The following PKD2L1 variants were observed in gnomAD, a reference collection of about 807,000 sequenced individuals.
PKD2L1 encodes the protein polycystin 2 like 1, transient receptor potential cation channel, also known as polycystin-2-like protein 1.
PKD2L1 carries 77 observed loss-of-function variants against 93.0 expected under a neutral mutation model. That is an observed-to-expected ratio of 0.83 (90% CI 0.69 to 1.00). The LOEUF is 1.00. Ranked by LOEUF, PKD2L1 falls within the 50% of genes least tolerant of loss-of-function variation. PKD2L1 has a pLI of 0.00. For synonymous variants in PKD2L1, 390 were observed against 388.0 expected, an observed-to-expected ratio of 1.01 and a Z score of -0.06; for missense variants, 977 against 990.9, an observed-to-expected ratio of 0.99 and a Z score of 0.19.
chr10:100,314,983 GAAGGAAGGAAGGAAGGAAGGAAGGAAGGA>G (rs1849045339), intron 2 of PKD2L1, among the ~76,000 whole-genome samples: 2 of 15,486 alleles, frequency 1.3e-4, no homozygotes, highest in Non-Finnish European at 2.5e-4. Flanking sequence ...AGGAAGGAAG[GAAGGAAGGAAGGAAGGAAGGAAGGAAGGA>G]AGGGAAGGGA....
chr10:100,319,979 A>G lies in PKD2L1; in HGVS notation c.349+9232T>C, dbSNP rs571716423. 9.8e-5 allele frequency among the ~76,000 whole-genome samples: 15 copies of G among 152,342 alleles called. No homozygotes were observed. The East Asian group carries it at 2.9e-3, about 29-fold the overall frequency. On this transcript the variant is annotated intron_variant, in intron 2 of 15. Transcript: ENST00000318222. ...GACAAAGGGCTGGAAGCCCTTTCAT[A>G]AATATCATGATGATGGTGTGGGCCC...
intron 8 of PKD2L1, 126 bp downstream of exon 8, chr10:100,294,816 C>T: frequency 1.5e-6 from 2 of 1,297,536 alleles, no homozygotes; most frequent in Non-Finnish European, 2.2e-6. Context: ...CTTCTGGAGA[C>T]CCTCACACAG....
chr10:100,294,922 G>T lies in PKD2L1; in HGVS notation c.1538+20C>A, dbSNP rs757310406. 2.4e-5 allele frequency: 38 copies of T among 1,601,950 alleles called. No homozygotes were observed. The highest frequency in any genetic ancestry group is 2.9e-5 in the Non-Finnish European group (34 of 1,172,694). ...GGAGGGTGAGGGGCCAGGGAGGAGT[G>T]AAGGGGACAGGACACACACATGCAC... On this transcript the variant is annotated intron_variant, in intron 8 of 15. Transcript: ENST00000318222.
Position 100,325,154 on chromosome 10 carries a change from G to A in PKD2L1, c.349+4057C>T, listed in dbSNP as rs148511185. On this transcript the variant is annotated intron_variant, in intron 2 of 15. Transcript: ENST00000318222. ...ACTCCCAATTCCGATACTGCAGACA[G>A]ACTCTACATTTGCTTATGTACCGTG... Among the ~76,000 whole-genome samples the A allele has an allele frequency of 3.1e-3, 468 of 152,332 alleles. 2 individuals carry two copies. The highest frequency in any genetic ancestry group is 0.01 in the African/African-American group (432 of 41,564).
chr10:100,291,991 G>C (rs1848416242), intron 11 of PKD2L1, among the ~76,000 whole-genome samples: 1 of 151,642 alleles, frequency 6.6e-6, no homozygotes, highest in East Asian at 2.0e-4. Context: ...CTATGCTTTT[G>C]TATGTGCTTT....
intron 3 of PKD2L1, among the ~76,000 whole-genome samples, chr10:100,299,016 C>T (rs561464264): frequency 1.4e-5 from 2 of 146,566 alleles, no homozygotes; most frequent in East Asian, 2.0e-4. Context: ...GACACAATCT[C>T]GGCTCACCGC....
rs1848435957 is a variant in PKD2L1 at position 100,292,939 on chromosome 10, G to T, written c.1880+9C>A. 1 of 1,611,942 alleles carries T rather than the reference G, an allele frequency of 6.2e-7. No individual in the cohort carries two copies. Among genetic ancestry groups the T allele is most frequent in the Non-Finnish European group, 8.5e-7 (1 of 1,179,038 alleles). ...GTTATTAGAGAAGGCTGGGTCTCTGGTTGCTCACTCCCTTAAGGTGTTGGT... is the reference window on the plus strand; with the variant it reads ...GTTATTAGAGAAGGCTGGGTCTCTGTTTGCTCACTCCCTTAAGGTGTTGGT... On this transcript the variant is annotated intron_variant, in intron 11 of 15. Coordinates refer to ENST00000318222, the MANE Select transcript of PKD2L1 (RefSeq NM_016112.3).
At chr10:100,292,809 G>A (rs1038951783) in intron 11 of PKD2L1, 139 bp downstream of exon 11, 12 of 831,096 alleles carry the variant, frequency 1.4e-5, no homozygotes, top group South Asian at 1.2e-4. Flanking sequence ...GGAGACCTAC[G>A]GGCAAAGATC....
At chr10:100,309,409 A>AT (rs139109655) in intron 2 of PKD2L1, among the ~76,000 whole-genome samples, 7 of 152,100 alleles carry the variant, frequency 4.6e-5, no homozygotes, top group African/African-American at 1.7e-4. Context: ...CATTAAAAAA[A>AT]TTTTTTGTCT....
intron 2 of PKD2L1, among the ~76,000 whole-genome samples, chr10:100,314,867 T>A (rs1324687067): frequency 6.6e-6 from 1 of 151,370 alleles, no homozygotes; most frequent in Non-Finnish European, 1.5e-5. Flanking sequence ...AAACCCCATC[T>A]CTACTAAAAA....
intron 7 of PKD2L1, 39 bp from the exon 8 acceptor site, chr10:100,295,162 A>C (rs778361449): frequency 6.3e-7 from 1 of 1,576,380 alleles, no homozygotes; most frequent in Admixed American, 1.7e-5. Flanking sequence ...GAAGAAGGAA[A>C]AGGGAAAAGC....
intron 2 of PKD2L1, among the ~76,000 whole-genome samples, chr10:100,308,298 T>C (rs1848851990): frequency 6.6e-6 from 1 of 152,008 alleles, no homozygotes; most frequent in Admixed American, 6.6e-5. Flanking sequence ...GGAATTACCA[T>C]CTCCATTTTA....
intron 2 of PKD2L1, among the ~76,000 whole-genome samples, chr10:100,301,086 G>A (rs959816123): frequency 6.6e-6 from 1 of 152,192 alleles, no homozygotes; most frequent in Non-Finnish European, 1.5e-5. Context: ...GATGCCCCCT[G>A]AGCCGTAAAA....
Position 100,324,450 on chromosome 10 carries a change from C to A in PKD2L1, c.349+4761G>T, listed in dbSNP as rs7081037. Among the ~76,000 whole-genome samples the A allele has an allele frequency of 1.9e-3, 288 of 152,302 alleles. 1 individual carries two copies. The highest frequency in any genetic ancestry group is 6.8e-3 in the Middle Eastern group (2 of 294). The stretch of plus-strand genomic sequence containing the variant: ...CTATTCGTCCTTCTCTTTCCCCAAC[C>A]CCTGGAAGCCACTGACAACTTTTAG... On this transcript the variant is annotated intron_variant, in intron 2 of 15. Transcript: ENST00000318222.
chr10:100,293,896 C>T (rs1176420048), intron 9 of PKD2L1, among the ~76,000 whole-genome samples: 1 of 152,112 alleles, frequency 6.6e-6, no homozygotes, highest in Non-Finnish European at 1.5e-5. Flanking sequence ...TGCTTGAGTC[C>T]AGGAGTTAGA....
chr10:100,306,878 G>GAA (rs1848815611), intron 2 of PKD2L1, among the ~76,000 whole-genome samples: 6 of 80,706 alleles, frequency 7.4e-5, no homozygotes, highest in African/African-American at 5.4e-5. Context: ...AAAAAAGAAA[G>GAA]AGAGAGAAAG....
At chr10:100,300,946 T>C (rs10160154) in intron 2 of PKD2L1, among the ~76,000 whole-genome samples, 7,518 of 152,240 alleles carry the variant, frequency 0.049, 639 homozygotes, top group African/African-American at 0.17. Context: ...CTGCCCCCGA[T>C]AATTCAACGT....
At chr10:100,319,391 T>C (rs1329156124) in intron 2 of PKD2L1, among the ~76,000 whole-genome samples, 1 of 152,228 alleles carries the variant, frequency 6.6e-6, no homozygotes, top group East Asian at 1.9e-4. Context: ...TCAGACCACC[T>C]TATTCCAGGT....
chr10:100,318,094 A>G (rs537288231), intron 2 of PKD2L1, among the ~76,000 whole-genome samples: 25 of 152,090 alleles, frequency 1.6e-4, no homozygotes, highest in Non-Finnish European at 2.2e-4. Flanking sequence ...AAAAAAAAAA[A>G]AGAGAGAAGA....
Sources: gnomAD v4.1 joint callset for allele counts (sites outside exome capture counted in the v4.1 genomes callset) on GRCh38, gnomAD v4.1.1 for gene constraint, MANE v1.5 for transcripts, NCBI Gene and HGNC (gene_info 2026-07-23, HGNC 2026-07-21) for gene names.